BTBD9: variants seen among roughly 807,000 people sequenced by gnomAD.
The protein encoded by BTBD9 is BTB domain containing 9.
BTBD9 carries 49 observed loss-of-function variants against 64.3 expected under a neutral mutation model. The ratio of observed to expected loss-of-function variants is 0.76; its 90% CI spans 0.61 to 0.97. The LOEUF (loss-of-function observed/expected upper bound fraction) is 0.97. BTBD9 is among the 50% of genes least tolerant of loss of function. The probability of loss-of-function intolerance (pLI) is 0.00; values close to 1 mark genes in which losing one functional copy is unlikely to be tolerated. For synonymous variants in BTBD9, 260 were observed against 274.7 expected (o/e 0.95, Z 0.53); for missense variants, 598 against 762.1 (o/e 0.78, Z 2.53).
intron 8 of BTBD9, among the ~76,000 whole-genome samples, chr6:38,260,024 C>A (rs965263069): frequency 2.4e-4 from 36 of 152,178 alleles, no homozygotes; most frequent in Non-Finnish European, 4.1e-4. Flanking sequence ...CACTTTTATG[C>A]AGTCAGCCTA....
chr6:38,616,381 C>T (rs373725945), intron 1 of BTBD9, among the ~76,000 whole-genome samples: 9 of 152,272 alleles, frequency 5.9e-5, no homozygotes, highest in African/African-American at 1.7e-4. Context: ...CCAACGCCTA[C>T]TTTTTATAAC....
intron 9 of BTBD9, among the ~76,000 whole-genome samples, chr6:38,195,544 A>T (rs1296510039): frequency 6.6e-6 from 1 of 152,100 alleles, no homozygotes; most frequent in African/African-American, 2.4e-5. Context: ...AAAAAAACCC[A>T]CGCAGGATTG....
chr6:38,270,942 TA>T lies in BTBD9; in HGVS notation c.1455-14427del, dbSNP rs1431526593. On this transcript the variant is annotated intron_variant, in intron 8 of 10. Coordinates refer to ENST00000481247, the MANE Select transcript of BTBD9 (RefSeq NM_001099272.2). ...GATTTATAATCTGGGAAGTGGGTGG[TA>T]GGGGGATAGGGGAAAGGAGGGAGAT... Among the ~76,000 whole-genome samples, 2 of 152,030 alleles carry T rather than the reference TA, an allele frequency of 1.3e-5. 1 individual carries two copies.
chr6:38,224,762 T>G (rs1490416357), intron 9 of BTBD9, among the ~76,000 whole-genome samples: 1 of 152,256 alleles, frequency 6.6e-6, no homozygotes, highest in African/African-American at 2.4e-5. Context: ...ATTTACATAT[T>G]TAATCAGAGC....
intron 6 of BTBD9, among the ~76,000 whole-genome samples, chr6:38,396,305 T>A (rs889115471): frequency 6.6e-6 from 1 of 152,166 alleles, no homozygotes; most frequent in Non-Finnish European, 1.5e-5. Flanking sequence ...AAAAGCTTAG[T>A]TAGTGTACTG....
At chr6:38,603,596 A>T (rs1299747298) in intron 1 of BTBD9, among the ~76,000 whole-genome samples, 1 of 152,256 alleles carries the variant, frequency 6.6e-6, no homozygotes, top group Non-Finnish European at 1.5e-5. Flanking sequence ...ACCAGAGCTA[A>T]CTACATTTTT....
chr6:38,260,528 T>C (rs753821912), intron 8 of BTBD9, among the ~76,000 whole-genome samples: 33 of 152,232 alleles, frequency 2.2e-4, no homozygotes, highest in Middle Eastern at 3.4e-3. Context: ...ATATGGGATA[T>C]GGAGAAGATA....
chr6:38,607,258 A>C (rs532425973), intron 1 of BTBD9, among the ~76,000 whole-genome samples: 1 of 152,340 alleles, frequency 6.6e-6, no homozygotes, highest in South Asian at 2.1e-4. Flanking sequence ...AAGAAAAATA[A>C]AGACTAAACA....
intron 1 of BTBD9, among the ~76,000 whole-genome samples, chr6:38,624,524 G>C (rs1778107761): frequency 6.6e-6 from 1 of 151,996 alleles, no homozygotes; most frequent in Non-Finnish European, 1.5e-5. Flanking sequence ...AGACCCACCT[G>C]GGCAAAAGAG....
chr6:38,604,323 GA>G (rs77700668), intron 1 of BTBD9, among the ~76,000 whole-genome samples: 13,715 of 152,164 alleles, frequency 0.09, 679 homozygotes, highest in East Asian at 0.27. Context: ...GACCACTAAA[GA>G]ATAGTATCAT....
At chr6:38,337,664 T>C (rs1449392933) in intron 7 of BTBD9, among the ~76,000 whole-genome samples, 1 of 152,242 alleles carries the variant, frequency 6.6e-6, no homozygotes, top group East Asian at 1.9e-4. Flanking sequence ...CTTGCCAATG[T>C]GACTGTCCGG....
At chr6:38,424,845 T>G (rs1402086357) in intron 6 of BTBD9, among the ~76,000 whole-genome samples, 1 of 151,480 alleles carries the variant, frequency 6.6e-6, no homozygotes, top group African/African-American at 2.4e-5. Context: ...TTTATTATTA[T>G]TATTATTATT....
chr6:38,551,982 A>G (rs1271606632), intron 6 of BTBD9, among the ~76,000 whole-genome samples: 2 of 152,212 alleles, frequency 1.3e-5, no homozygotes, highest in African/African-American at 4.8e-5. Context: ...TGGTGGCTGA[A>G]GACCCAGGAA....
At chr6:38,345,205 C>T (rs1442721125) in intron 6 of BTBD9, 112 bp from the exon 7 acceptor site, 3 of 566,062 alleles carry the variant, frequency 5.3e-6, no homozygotes, top group Non-Finnish European at 9.3e-6. Context: ...AGGATATAGA[C>T]CAAAGGAGAC....
At chr6:38,422,865 T>A (rs1268710371) in intron 6 of BTBD9, among the ~76,000 whole-genome samples, 7 of 152,122 alleles carry the variant, frequency 4.6e-5, no homozygotes, top group Non-Finnish European at 5.9e-5. Flanking sequence ...TTTGGGAGGC[T>A]GAGACGGGAG....
intron 6 of BTBD9, among the ~76,000 whole-genome samples, chr6:38,368,652 T>A (rs948887430): frequency 6.6e-6 from 1 of 152,084 alleles, no homozygotes; most frequent in African/African-American, 2.4e-5. Context: ...TTTTGACTCA[T>A]GTATTCCTTT....
chr6:38,324,101 C>T lies in BTBD9; in HGVS notation c.1264+20883G>A, dbSNP rs554417097. On this transcript the variant is annotated intron_variant, in intron 7 of 10. Coordinates refer to ENST00000481247, the MANE Select transcript of BTBD9 (RefSeq NM_001099272.2). ...CCAGGTGACAGCCTGTCTCGCGGTA[C>T]GGGGAAGGAAAGAAAGAACTTTGTG... 5.3e-5 allele frequency among the ~76,000 whole-genome samples: 8 copies of T among 151,982 alleles called. No individual in the cohort carries two copies. In the South Asian group the frequency reaches 1.7e-3, roughly 32 times the overall value.
chr6:38,204,407 G>A (rs760398480), intron 9 of BTBD9, among the ~76,000 whole-genome samples: 11 of 152,082 alleles, frequency 7.2e-5, no homozygotes, highest in African/African-American at 2.4e-5. Context: ...TTTGATACAC[G>A]CTATTAATAT....
At chr6:38,299,613 A>G (rs373924044) in intron 7 of BTBD9, among the ~76,000 whole-genome samples, 6 of 152,252 alleles carry the variant, frequency 3.9e-5, no homozygotes, top group East Asian at 3.9e-4. Context: ...GCCAGTGATG[A>G]TGAGCATTTT....
Sources: gnomAD v4.1 joint callset for allele counts (sites outside exome capture counted in the v4.1 genomes callset) on GRCh38, gnomAD v4.1.1 for gene constraint, MANE v1.5 for transcripts, NCBI Gene and HGNC (gene_info 2026-07-23, HGNC 2026-07-21) for gene names.